The following GABRB1 variants were observed in gnomAD, a reference collection of about 807,000 sequenced individuals.
GABRB1 encodes gamma-aminobutyric acid type A receptor subunit beta1.
A neutral mutation model predicts 51.6 loss-of-function variants in GABRB1; 17 were observed. That is an observed-to-expected ratio of 0.33 (90% CI 0.23 to 0.49). The LOEUF (loss-of-function observed/expected upper bound fraction) is 0.49, where lower values mean the gene tolerates loss of function less well. Ranked by LOEUF, GABRB1 falls within the 20% of genes least tolerant of loss-of-function variation. The pLI, the probability that GABRB1 is intolerant of heterozygous loss-of-function variation, is 0.99. For synonymous variants in GABRB1, 247 were observed against 218.9 expected (o/e 1.13, Z -1.14); for missense variants, 410 against 600.6 (o/e 0.68, Z 3.32).
chr4:47,014,905 T>C (rs1009754298), intron 1 of GABRB1, among the ~76,000 whole-genome samples: 1 of 134,472 alleles, frequency 7.4e-6, no homozygotes, highest in African/African-American at 2.6e-5. Flanking sequence ...TTTATTTATT[T>C]ATTTATTTAT....
intron 5 of GABRB1, among the ~76,000 whole-genome samples, chr4:47,360,829 C>A (rs1726781709): frequency 6.6e-6 from 1 of 152,072 alleles, no homozygotes; most frequent in Admixed American, 6.6e-5. Context: ...TTTCACATGA[C>A]TTACTCTGGT....
chr4:47,254,664 G>T (rs1722132885), intron 4 of GABRB1, among the ~76,000 whole-genome samples: 1 of 152,002 alleles, frequency 6.6e-6, no homozygotes, highest in Non-Finnish European at 1.5e-5. Flanking sequence ...GAGCCACCAT[G>T]CCCAGCCAAG....
chr4:47,227,712 A>G (rs1720995955), intron 4 of GABRB1, among the ~76,000 whole-genome samples: 1 of 152,158 alleles, frequency 6.6e-6, no homozygotes, highest in South Asian at 2.1e-4. Flanking sequence ...GGCTGCCATA[A>G]CAAAGCGATA....
intron 3 of GABRB1, among the ~76,000 whole-genome samples, chr4:47,123,736 AT>A (rs1715950785): frequency 1.1e-5 from 1 of 88,964 alleles, no homozygotes; most frequent in Admixed American, 1.8e-4. Context: ...TATATCATAT[AT>A]TATTATATAT....
intron 4 of GABRB1, among the ~76,000 whole-genome samples, chr4:47,221,917 G>A (rs1720782262): frequency 6.6e-6 from 1 of 152,020 alleles, no homozygotes; most frequent in South Asian, 2.1e-4. Flanking sequence ...CCTGAAGGAA[G>A]CTTATCTAGA....
chr4:47,003,571 A>T (rs1332791799), intron 1 of GABRB1, among the ~76,000 whole-genome samples: 4 of 152,222 alleles, frequency 2.6e-5, no homozygotes, highest in African/African-American at 7.2e-5. Flanking sequence ...GGAGAAAGTA[A>T]ATGTCCATAT....
chr4:47,083,964 T>C (rs1168764084), intron 3 of GABRB1, among the ~76,000 whole-genome samples: 5 of 152,104 alleles, frequency 3.3e-5, no homozygotes, highest in Non-Finnish European at 4.4e-5. Flanking sequence ...GGATAGTCTG[T>C]AACTATATAT....
intron 1 of GABRB1, among the ~76,000 whole-genome samples, chr4:47,009,418 A>G (rs1400335352): frequency 3.3e-5 from 5 of 152,210 alleles, no homozygotes; most frequent in Admixed American, 2.6e-4. Flanking sequence ...ATTTTAAAGA[A>G]TAACACCTAA....
At chr4:47,352,815 G>A (rs1157098369) in intron 5 of GABRB1, among the ~76,000 whole-genome samples, 2 of 152,192 alleles carry the variant, frequency 1.3e-5, no homozygotes, top group South Asian at 2.1e-4. Context: ...AGTAGTGAGG[G>A]TTTGGTGAGA....
chr4:47,254,281 C>G (rs4695207), intron 4 of GABRB1, among the ~76,000 whole-genome samples: 2,434 of 150,872 alleles, frequency 0.016, 65 homozygotes, highest in African/African-American at 0.056. Flanking sequence ...CCATTAAATA[C>G]TCAACGGTTC....
intron 4 of GABRB1, among the ~76,000 whole-genome samples, chr4:47,309,961 T>C (rs35744755): frequency 0.063 from 9,603 of 152,222 alleles, 505 homozygotes; most frequent in East Asian, 0.28. Context: ...GTATCAAGCA[T>C]TGAACTTGTA....
At chr4:47,273,115 G>A (rs569651151) in intron 4 of GABRB1, among the ~76,000 whole-genome samples, 11 of 152,010 alleles carry the variant, frequency 7.2e-5, no homozygotes, top group Non-Finnish European at 1.6e-4. Flanking sequence ...ATGGTGCGTT[G>A]GCTTTAAAAA....
At chr4:47,229,113 A>T (rs1028926315) in intron 4 of GABRB1, among the ~76,000 whole-genome samples, 3 of 152,170 alleles carry the variant, frequency 2.0e-5, no homozygotes, top group African/African-American at 7.2e-5. Context: ...TTCAAAACCC[A>T]GGATCCTAAT....
intron 3 of GABRB1, among the ~76,000 whole-genome samples, chr4:47,135,102 A>G (rs1716586133): frequency 6.6e-6 from 1 of 152,212 alleles, no homozygotes; most frequent in Non-Finnish European, 1.5e-5. Context: ...TGTGGGCAAC[A>G]GAGCAAGATT....
At chr4:47,269,281 C>A (rs1289148007) in intron 4 of GABRB1, among the ~76,000 whole-genome samples, 1 of 152,182 alleles carries the variant, frequency 6.6e-6, no homozygotes, top group African/African-American at 2.4e-5. Context: ...ACCCTTTCTG[C>A]CCCATTGAAA....
At position 47,294,999 on chromosome 4, in the gene GABRB1, G is replaced by T. The variant is rs547711541; in HGVS notation, c.462-25128G>T. 5.9e-5 allele frequency among the ~76,000 whole-genome samples: 9 copies of T among 152,364 alleles called. No homozygotes were observed. The East Asian group carries it at 7.7e-4, about 13-fold the overall frequency. ...CACTGCTGATACCCAGGCAAACAGG[G>T]TCTGGAGTGGACCTCTAGCAAACTC... On this transcript the variant is annotated intron_variant, in intron 4 of 8. Coordinates refer to ENST00000295454, the MANE Select transcript of GABRB1 (RefSeq NM_000812.4).
intron 5 of GABRB1, among the ~76,000 whole-genome samples, chr4:47,358,308 T>C (rs145355822): frequency 6.6e-6 from 1 of 152,154 alleles, no homozygotes; most frequent in East Asian, 1.9e-4. Context: ...TATATAAATA[T>C]ATGTGTGTGT....
chr4:47,031,831 T>C, intron 1 of GABRB1, 83 bp from the exon 2 acceptor site: 1 of 1,492,126 alleles, frequency 6.7e-7, no homozygotes, highest in Non-Finnish European at 9.4e-7. Context: ...TCTTGTTGTT[T>C]GGGGGTAGGT....
At chr4:47,330,882 C>T (rs966548721) in intron 5 of GABRB1, among the ~76,000 whole-genome samples, 4 of 152,046 alleles carry the variant, frequency 2.6e-5, no homozygotes, top group African/African-American at 9.7e-5. Context: ...AGGACAATTA[C>T]AAGCAAAAGC....
Sources: allele counts gnomAD v4.1 joint callset (sites outside exome capture counted in the v4.1 genomes callset), GRCh38; gene constraint gnomAD v4.1.1; transcripts MANE v1.5; gene names NCBI Gene and HGNC (gene_info 2026-07-23, HGNC 2026-07-21).